The following DPP6 variants were observed in gnomAD, a reference collection of about 807,000 sequenced individuals.
DPP6 encodes the protein A-type potassium channel modulatory protein DPP6.
DPP6 carries 69 observed loss-of-function variants against 122.6 expected under a neutral mutation model. That is an observed-to-expected ratio of 0.56 (90% CI 0.46 to 0.69). DPP6 has a LOEUF of 0.69. Ranked by LOEUF, DPP6 falls within the 30% of genes least tolerant of loss-of-function variation. DPP6 has a pLI of 0.00. For synonymous variants in DPP6, 418 were observed against 433.1 expected (o/e 0.97, Z 0.43); for missense variants, 928 against 1,116.9 (o/e 0.83, Z 2.41).
At chr7:154,420,077 C>G (rs1014876232) in intron 1 of DPP6, among the ~76,000 whole-genome samples, 1 of 152,222 alleles carries the variant, frequency 6.6e-6, no homozygotes. Context: ...TGGCTTTTGC[C>G]TGTAATCCCA....
the DPP6 span, among the ~76,000 whole-genome samples, chr7:153,827,438 A>C: frequency 6.6e-6 from 1 of 152,132 alleles, no homozygotes; most frequent in Non-Finnish European, 1.5e-5. Context: ...ATGACTCTGA[A>C]AGAAGGAGGG....
intron 1 of DPP6, among the ~76,000 whole-genome samples, chr7:154,082,365 AG>A (rs547976569): frequency 6.4e-4 from 97 of 152,328 alleles, no homozygotes; most frequent in Non-Finnish European, 1.2e-3. Context: ...AACGAAATCC[AG>A]GGAAAGCTGG....
At chr7:153,983,902 C>T (rs2531108) in intron 1 of DPP6, among the ~76,000 whole-genome samples, 302 of 152,076 alleles carry the variant, frequency 2.0e-3, no homozygotes, top group African/African-American at 5.5e-3. Flanking sequence ...CCCAGTGAGA[C>T]GGACTGTGTA....
At chr7:153,779,307 A>C in the DPP6 span, among the ~76,000 whole-genome samples, 7 of 150,854 alleles carry the variant, frequency 4.6e-5, no homozygotes, top group Non-Finnish European at 7.4e-5. Context: ...GAAACAAACC[A>C]AAAAATTAGA....
At chr7:154,574,821 G>C (rs1266938233) in intron 5 of DPP6, among the ~76,000 whole-genome samples, 14 of 70,096 alleles carry the variant, frequency 2.0e-4, no homozygotes, top group Non-Finnish European at 3.5e-4. Context: ...TGATGTGTTT[G>C]TGTGGTGTGT....
chr7:153,818,510 G>T, the DPP6 span, among the ~76,000 whole-genome samples: 9 of 152,202 alleles, frequency 5.9e-5, no homozygotes, highest in South Asian at 1.9e-3. Context: ...CCAGTGGCAG[G>T]GAAAAGCTAC....
intron 1 of DPP6, among the ~76,000 whole-genome samples, chr7:154,054,202 C>A (rs1414854395): frequency 6.6e-6 from 1 of 152,194 alleles, no homozygotes; most frequent in African/African-American, 2.4e-5. Context: ...ATACCCAGGG[C>A]AGTACATTGC....
At chr7:153,801,204 T>C in the DPP6 span, among the ~76,000 whole-genome samples, 1 of 147,518 alleles carries the variant, frequency 6.8e-6, no homozygotes, top group African/African-American at 2.5e-5. Context: ...TGTTCTAGTT[T>C]CTAATTATAA....
intron 1 of DPP6, among the ~76,000 whole-genome samples, chr7:153,910,853 A>G (rs1260651209): frequency 2.0e-5 from 3 of 152,130 alleles, no homozygotes; most frequent in Non-Finnish European, 2.9e-5. Flanking sequence ...TTTCAGATGC[A>G]TCACATCTGA....
chr7:154,584,432 A>G (rs555423167), intron 5 of DPP6, among the ~76,000 whole-genome samples: 1 of 152,122 alleles, frequency 6.6e-6, no homozygotes, highest in South Asian at 2.1e-4. Context: ...GAGTCCCCGC[A>G]CTCCAAGGGA....
chr7:154,466,544 A>G (rs1821801136), intron 2 of DPP6, among the ~76,000 whole-genome samples: 1 of 152,140 alleles, frequency 6.6e-6, no homozygotes, highest in South Asian at 2.1e-4. Flanking sequence ...AGAGGAAAAT[A>G]GAGCTCTTGT....
At chr7:154,422,707 A>AGATGGATGGGTGGGGG (rs148407252) in intron 1 of DPP6, among the ~76,000 whole-genome samples, 5 of 130,098 alleles carry the variant, frequency 3.8e-5, no homozygotes, top group Admixed American at 8.0e-5. Context: ...GTGGGTGGGT[A>AGATGGATGGGTGGGGG]GATGGATGGG....
At chr7:153,899,504 G>A (rs74565682) in intron 1 of DPP6, among the ~76,000 whole-genome samples, 4,804 of 152,148 alleles carry the variant, frequency 0.032, 107 homozygotes, top group East Asian at 0.11. Flanking sequence ...TTTTCTTCTC[G>A]TCAACTTGGC....
intron 5 of DPP6, among the ~76,000 whole-genome samples, chr7:154,629,836 A>C (rs1835300969): frequency 1.3e-5 from 2 of 152,168 alleles, no homozygotes; most frequent in Admixed American, 6.5e-5. Context: ...CCAGACACCC[A>C]GTCCAAAATC....
intron 1 of DPP6, among the ~76,000 whole-genome samples, chr7:153,938,455 G>A (rs919195606): frequency 6.6e-6 from 1 of 152,196 alleles, no homozygotes; most frequent in Non-Finnish European, 1.5e-5. Flanking sequence ...AGAGAGCAAA[G>A]CAAAGAAGTT....
chr7:154,251,533 A>G (rs57225877), intron 1 of DPP6, among the ~76,000 whole-genome samples: 10,496 of 152,274 alleles, frequency 0.069, 1,076 homozygotes, highest in African/African-American at 0.23. Flanking sequence ...TCACAAGATA[A>G]AGTCCCACGG....
At chr7:154,089,640 C>T (rs1332019804) in intron 1 of DPP6, among the ~76,000 whole-genome samples, 4 of 135,694 alleles carry the variant, frequency 2.9e-5, no homozygotes, top group South Asian at 2.8e-4. Context: ...TGACAACATC[C>T]GTGACCCACA....
chr7:154,856,623 A>G (rs1802853378), intron 17 of DPP6, among the ~76,000 whole-genome samples: 1 of 152,236 alleles, frequency 6.6e-6, no homozygotes, highest in Non-Finnish European at 1.5e-5. Context: ...CTGGGAAACA[A>G]AACAACCACT....
At chr7:154,628,070 G>T (rs1257309069) in intron 5 of DPP6, among the ~76,000 whole-genome samples, 1 of 152,174 alleles carries the variant, frequency 6.6e-6, no homozygotes, top group Non-Finnish European at 1.5e-5. Context: ...CCTGGGAGCT[G>T]CAGGGTTTCT....
Sources: allele counts gnomAD v4.1 joint callset (sites outside exome capture counted in the v4.1 genomes callset), GRCh38; gene constraint gnomAD v4.1.1; transcripts MANE v1.5; gene names NCBI Gene and HGNC (gene_info 2026-07-23, HGNC 2026-07-21).